Variants in NOTCH2 observed in about 807,000 individuals in gnomAD.
The protein encoded by NOTCH2 is neurogenic locus notch homolog protein 2.
In NOTCH2, 29 loss-of-function variants were observed where a neutral mutation model predicts 235.8. The ratio of observed to expected loss-of-function variants is 0.12; its 90% CI spans 0.09 to 0.17. The LOEUF (loss-of-function observed/expected upper bound fraction) is 0.17. Among genes scored for constraint, NOTCH2 ranks in the 10% least tolerant of loss-of-function variants. The pLI is 1.00. For missense variants in NOTCH2, 2,285 were observed against 3,150.2 expected (o/e 0.73, Z 6.57); for synonymous variants, 1,086 against 1,141.5 (o/e 0.95, Z 0.98).
rs149906722 is a variant in NOTCH2, at chr1:119,997,325, C to T, written c.423G>A (p.Glu141=). The stretch of plus-strand genomic sequence containing the variant: ...ACAGGCAGGCATCCGTCCATTGGCA[C>T]TCCTTACCTAAAGGAAGGATAACAA... The part of the protein sequence containing the change: ...CTCQVGFTGK[E]CQWTDACLSH... Residue 141 remains glutamate, a synonymous_variant, in exon 4 of 34, where the codon GAG becomes GAA. Transcript: ENST00000256646. 1.8e-4 allele frequency: 294 copies of T among 1,613,986 alleles called. No individual in the cohort carries two copies. The highest frequency in any genetic ancestry group is 1.7e-3 in the African/African-American group (126 of 75,054).
chr1:119,944,269 G>A (rs1426609666), intron 17 of NOTCH2, among the ~76,000 whole-genome samples: 1 of 152,076 alleles, frequency 6.6e-6, no homozygotes, highest in Non-Finnish European at 1.5e-5. Flanking sequence ...AGGCATGGTG[G>A]CTCACGCTGT....
chr1:120,069,382 G>A lies in NOTCH2; in HGVS notation c.25C>T (p.Leu9=), dbSNP rs1553217934. 6.4e-7 allele frequency: 1 copy of A among 1,560,850 alleles called. No individual in the cohort carries two copies. The highest frequency in any genetic ancestry group is 8.6e-7 in the Non-Finnish European group (1 of 1,161,734). ...AGCCAGAGCGCCAGCAGCGCCCACA[G>A]CAGAGCGGGGCGCAGGGCGGGCATC... is the stretch of plus-strand genomic sequence containing the variant. The part of the protein sequence containing the change: MPALRPAL[L]WALLALWLCC... The change falls in exon 1 of 34, where the codon CTG becomes TTG. Residue 9 remains leucine (L), a synonymous_variant. Coordinates refer to ENST00000256646, the MANE Select transcript of NOTCH2 (RefSeq NM_024408.4).
chr1:119,949,205 T>G, intron 15 of NOTCH2, 79 bp from the exon 16 acceptor site: 1 of 1,469,110 alleles, frequency 6.8e-7, no homozygotes, highest in Non-Finnish European at 9.5e-7. Flanking sequence ...GGATGTTCTC[T>G]GAATTCAAGT....
intron 1 of NOTCH2, chr1:120,069,005 T>A (rs1655631906): frequency 7.8e-7 from 1 of 1,288,794 alleles, no homozygotes; most frequent in Non-Finnish European, 1.0e-6. Flanking sequence ...ACGCGGAACC[T>A]GAAGGGCAAA....
chr1:120,069,165 G>C (rs1306322529), intron 1 of NOTCH2, 169 bp downstream of exon 1: 6 of 1,527,618 alleles, frequency 3.9e-6, no homozygotes, highest in Non-Finnish European at 5.3e-6. Context: ...GGGCACCACG[G>C]GAGGGGCCCC....
At chr1:119,926,678 C>A (rs1649486743) in intron 23 of NOTCH2, 67 bp from the exon 24 acceptor site, 1 of 1,338,318 alleles carries the variant, frequency 7.5e-7, no homozygotes. Context: ...ACTCAACAAA[C>A]TTTGCTGGGA....
At chr1:120,063,459 A>T (rs1426580948) in intron 1 of NOTCH2, among the ~76,000 whole-genome samples, 1 of 152,126 alleles carries the variant, frequency 6.6e-6, no homozygotes, top group Non-Finnish European at 1.5e-5. Context: ...CTCAGGTAAC[A>T]TTCTAATGGA....
intron 5 of NOTCH2, among the ~76,000 whole-genome samples, chr1:119,970,464 T>TA (rs1651318177): frequency 1.3e-5 from 2 of 152,240 alleles, no homozygotes; most frequent in African/African-American, 4.8e-5. Context: ...CACCCATACT[T>TA]AAAGGATGGG....
At chr1:119,967,057 T>C (rs1205620003) in intron 8 of NOTCH2, among the ~76,000 whole-genome samples, 1 of 152,234 alleles carries the variant, frequency 6.6e-6, no homozygotes, top group African/African-American at 2.4e-5. Context: ...GGAAACTTCC[T>C]ATATAATTGT....
At chr1:119,938,271 A>G (rs184872686) in intron 19 of NOTCH2, among the ~76,000 whole-genome samples, 1 of 152,280 alleles carries the variant, frequency 6.6e-6, no homozygotes, top group East Asian at 1.9e-4. Flanking sequence ...ATATAACGAA[A>G]CCAATTTTAC....
At chr1:119,996,328 A>G (rs587729825) in intron 4 of NOTCH2, 149 of 348,586 alleles carry the variant, frequency 4.3e-4, no homozygotes, top group Middle Eastern at 9.1e-4. Context: ...AGAGTGTAAC[A>G]AAGTATTGTG....
chr1:119,987,826 C>G (rs1240799176), intron 4 of NOTCH2, among the ~76,000 whole-genome samples: 5 of 152,152 alleles, frequency 3.3e-5, no homozygotes, highest in Middle Eastern at 3.2e-3. Flanking sequence ...TCAGGCTCTT[C>G]TCTAAACTTA....
rs958128432 is a variant in NOTCH2, at chr1:119,916,505, C to T, written c.6217G>A (p.Gly2073Ser). 3 of 1,612,518 alleles carry T rather than the reference C, an allele frequency of 1.9e-6. No individual in the cohort carries two copies. The African/African-American group carries it at 4.0e-5, about 22-fold the overall frequency. The change falls in exon 34 of 34, where the codon GGC becomes AGC. Residue 2073 changes from glycine (G) to serine (S), a missense_variant. Gly to Ser is a moderately conservative substitution (Grantham distance 56, BLOSUM62 0). This residue lies in a region of NOTCH2 where 504 missense variants were observed against 538.0 expected (regional missense o/e 0.94). Coordinates refer to ENST00000256646, the MANE Select transcript of NOTCH2 (RefSeq NM_024408.4). ...GAGAGAGCAGAAGTCAACACGGTGC[C>T]TGGAGGGCTTGGGGTCACATTGTAT... ...DEYNVTPSPPGTVLTSALSPV... is the reference protein window; with the variant it reads ...DEYNVTPSPPSTVLTSALSPV...
chr1:120,028,685 G>GT (rs1286812043), intron 2 of NOTCH2, among the ~76,000 whole-genome samples: 12 of 139,198 alleles, frequency 8.6e-5, no homozygotes, highest in African/African-American at 3.0e-4. Flanking sequence ...GAAAAAAGTT[G>GT]TAATTACATT....
At chr1:119,987,171 G>A (rs1652052829) in intron 4 of NOTCH2, 89 bp from the exon 5 acceptor site, 1 of 1,507,746 alleles carries the variant, frequency 6.6e-7, no homozygotes, top group South Asian at 1.1e-5. Flanking sequence ...TATTAGAATA[G>A]ACCCGCTTCA....
rs28567409 is a variant in NOTCH2 at position 120,048,455 on chromosome 1, T to G, written c.74-18468A>C. Among the ~76,000 whole-genome samples, 256 of 122,448 alleles carry G rather than the reference T, an allele frequency of 2.1e-3. 49 individuals carry two copies. The highest frequency in any genetic ancestry group is 9.8e-3 in the African/African-American group (249 of 25,454). 80.3% of individuals were successfully genotyped at this position (122,448 alleles called of 152,430 possible). ...ACAGGCCCAATACCACTTTTTTTTT[T>G]TTTTTTTTTTGGAGACAGGATCTTG... On this transcript the variant is annotated intron_variant, in intron 1 of 33. Transcript: ENST00000256646.
intron 10 of NOTCH2, 50 bp downstream of exon 10, chr1:119,965,403 T>C (rs1553199528): frequency 1.4e-6 from 2 of 1,380,426 alleles, no homozygotes; most frequent in East Asian, 2.3e-5. Context: ...AATCACCCTA[T>C]TTTGTTCAGA....
chr1:119,922,671 T>C lies in NOTCH2; in HGVS notation c.4967A>G (p.Gln1656Arg), dbSNP rs750700941. Reference protein sequence around the residue: ...AAALLASHAIQGTLSYPLVSV... With the variant: ...AAALLASHAIRGTLSYPLVSV... ...CACAAGAGGGTATGACAGGGTCCCC[T>C]GTATGGCGTGAGAGGCCAGGAGAGC... The change falls in exon 27 of 34, where the codon CAG (glutamine) becomes CGG (arginine). Residue 1656 changes from glutamine to arginine, a missense_variant. By Grantham distance (43) the Gln-to-Arg change is conservative (BLOSUM62 1). Around this residue, in one of 6 missense-constraint regions of NOTCH2, gnomAD observed 1,173 missense variants for 1,515.3 expected, o/e 0.77. Transcript: ENST00000256646. The C allele has an allele frequency of 3.2e-5, 51 of 1,614,120 alleles. No homozygotes were observed. In the South Asian group the frequency reaches 4.7e-4, roughly 15 times the overall value.
Position 119,967,489 on chromosome 1 carries a change from T to C in NOTCH2, c.1397A>G (p.Gln466Arg), listed in dbSNP as rs1210547912. 6.2e-7 allele frequency: 1 copy of C among 1,614,028 alleles called. No individual in the cohort carries two copies. Among genetic ancestry groups the C allele is most frequent in the African/African-American group, 1.3e-5 (1 of 74,938 alleles). Residue 466 changes from glutamine to arginine, a missense_variant, in exon 8 of 34, where the codon CAG (glutamine) becomes CGG (arginine). Gln to Arg is a conservative substitution (Grantham distance 43, BLOSUM62 1). This residue lies in a region of NOTCH2 where 431 missense variants were observed against 757.8 expected (regional missense o/e 0.57). Coordinates refer to ENST00000256646, the MANE Select transcript of NOTCH2 (RefSeq NM_024408.4). ...CTTATCCAGACAGGTAGCATCATTC[T>C]GGCAGGGGTCTGAATGGCACTCATT... Reference protein sequence around the residue: ...DINECHSDPCQNDATCLDKIG... With the variant: ...DINECHSDPCRNDATCLDKIG...
Sources: allele counts gnomAD v4.1 joint callset (sites outside exome capture counted in the v4.1 genomes callset), GRCh38; gene constraint gnomAD v4.1.1; regional missense constraint gnomAD v4.1.1; transcripts MANE v1.5; gene names NCBI Gene and HGNC (gene_info 2026-07-23, HGNC 2026-07-21).